IGF2: variants seen among roughly 807,000 people sequenced by gnomAD.
IGF2 encodes the protein insulin-like growth factor 2.
In IGF2, 2 loss-of-function variants were observed where a neutral mutation model predicts 12.0. The ratio of observed to expected loss-of-function variants is 0.17; its 90% CI spans 0.07 to 0.52. The LOEUF is 0.52. IGF2 is among the 20% of genes least tolerant of loss of function. The pLI is 0.95. For synonymous variants in IGF2, 105 were observed against 110.1 expected, an observed-to-expected ratio of 0.95 and a Z score of 0.29; for missense variants, 211 against 268.0, an observed-to-expected ratio of 0.79 and a Z score of 1.48.
rs1160785818 is a variant in IGF2, at chr11:2,132,550, T to TC, written c.*436_*437insG. On this transcript the variant is annotated 3_prime_UTR_variant, in exon 4 of 4. Transcript: ENST00000416167. ...TCAGCCAATTCGTTTTTAATACTTT[T>TC]TTTTTTTAGCCAATTGATTTTTTTT... 5 of 213,938 alleles carry TC rather than the reference T, an allele frequency of 2.3e-5. No homozygotes were observed. Among genetic ancestry groups the TC allele is most frequent in the Middle Eastern group, 1.5e-3 (1 of 686 alleles). The allele number at this position is 213,938 out of a possible 1,614,324, so 13.3% of individuals were successfully genotyped here.
chr11:2,142,207 TA>T (rs56374651), upstream of IGF2, among the ~76,000 whole-genome samples: 7,530 of 145,604 alleles, frequency 0.052, 245 homozygotes, highest in Middle Eastern at 0.077. This position sits in a 1 kb window ranked among gnomAD's most constrained non-coding sequence, Gnocchi z 5.7. Flanking sequence ...AAATCAGTAT[TA>T]AAAAAAAAAA....
At chr11:2,148,654 C>A in the IGF2 span, 120,046 of 170,946 alleles carry the variant, frequency 0.7, 42,630 homozygotes, top group Admixed American at 0.76. This position sits in a 1 kb window ranked among gnomAD's most constrained non-coding sequence, Gnocchi z 4.3. Context: ...TAAATAAAAT[C>A]TCTGCGCCAG....
chr11:2,149,200 C>G, the IGF2 span: 1 of 1,613,374 alleles, frequency 6.2e-7, no homozygotes, highest in African/African-American at 1.3e-5. Context: ...CACTGGTGCC[C>G]AAGGCTCTCT....
chr11:2,140,884 C>T, upstream of IGF2: 1 of 370,856 alleles, frequency 2.7e-6, no homozygotes, highest in South Asian at 1.9e-5. Flanking sequence ...CGTCCGCGGG[C>T]GCACCAGGAG....
At position 2,131,443 on chromosome 11, in the gene IGF2, TGTGTGTGCAG is replaced by T. The variant is rs1035775664; in HGVS notation, c.*1534_*1543del. ...GGGGGTGTGCGTGTGTGTGCGCATG[TGTGTGTGCAG>T]GTGGGTGCTTGCGTGTGCAACGTGT... On this transcript the variant is annotated 3_prime_UTR_variant, in exon 4 of 4. Transcript: ENST00000416167. 3.5e-5 allele frequency: 8 copies of T among 231,400 alleles called. No homozygotes were observed. Among genetic ancestry groups the T allele is most frequent in the African/African-American group, 1.8e-4 (8 of 45,158 alleles). The allele number at this position is 231,400 out of a possible 1,614,324, so 14.3% of individuals were successfully genotyped here. A position where few individuals can be genotyped will look rare whatever the true frequency, so the allele number is the denominator to read the frequency against.
Position 2,130,077 on chromosome 11 carries a change from G to A in IGF2, c.*2910C>T, listed in dbSNP as rs1269754014. On this transcript the variant is annotated 3_prime_UTR_variant, in exon 4 of 4. Transcript: ENST00000416167. ...CAGGGTGCTGAGGGGCGGGCAAGAT[G>A]TCACCGAGGGAGAGGGGAGGGTTCC... 4.3e-6 allele frequency: 1 copy of A among 229,920 alleles called. No homozygotes were observed. Among genetic ancestry groups the A allele is most frequent in the African/African-American group, 2.2e-5 (1 of 45,086 alleles). The allele number at this position is 229,920 out of a possible 1,614,324, so 14.2% of individuals were successfully genotyped here.
intron 1 of IGF2, among the ~76,000 whole-genome samples, chr11:2,135,932 G>A (rs1323188027): frequency 6.6e-6 from 1 of 152,112 alleles, no homozygotes; most frequent in African/African-American, 2.4e-5. Context: ...GCGTCACATC[G>A]CCACTTCTCA....
At position 2,138,994 on chromosome 11, in the gene IGF2, T is replaced by C. The variant is rs1164399831; in HGVS notation, c.-772A>G. ...CAGGCGGTGGCGGCACCGGGGCCGC[T>C]CCGGGACGCAGCGCGGAAAGGGGAG... On this transcript the variant is annotated 5_prime_UTR_variant, in exon 1 of 4. Coordinates refer to ENST00000416167, the MANE Select transcript of IGF2 (RefSeq NM_000612.6). 3.1e-6 allele frequency: 3 copies of C among 959,308 alleles called. No homozygotes were observed. The highest frequency in any genetic ancestry group is 1.2e-6 in the Non-Finnish European group (1 of 820,740). The allele number at this position is 959,308 out of a possible 1,614,324, so 59.4% of individuals were successfully genotyped here.
At position 2,131,096 on chromosome 11, in the gene IGF2, C is replaced by T. The variant is rs181654351; in HGVS notation, c.*1891G>A. 6.9e-4 allele frequency: 161 copies of T among 232,358 alleles called. No individual in the cohort carries two copies. Among genetic ancestry groups the T allele is most frequent in the African/African-American group, 3.3e-3 (149 of 44,992 alleles). The allele number at this position is 232,358 out of a possible 1,614,324, so 14.4% of individuals were successfully genotyped here. On this transcript the variant is annotated 3_prime_UTR_variant, in exon 4 of 4. Transcript: ENST00000416167. ...ATGGGGAGCATCGTGGCTCACGCTGCGGGGGCCGTGGGGACAGGCGCCAAG... is the reference window on the plus strand; with the variant it reads ...ATGGGGAGCATCGTGGCTCACGCTGTGGGGGCCGTGGGGACAGGCGCCAAG...
upstream of IGF2, chr11:2,140,453 C>A (rs1859489376): frequency 7.6e-6 from 5 of 654,678 alleles, no homozygotes; most frequent in Non-Finnish European, 1.3e-5. Context: ...GCCCCCCTCG[C>A]CCCCCTCGCT....
upstream of IGF2, among the ~76,000 whole-genome samples, chr11:2,144,974 C>T (rs1456940958): frequency 6.6e-6 from 1 of 152,150 alleles, no homozygotes; most frequent in African/African-American, 2.4e-5. Context: ...CAGGATGAGG[C>T]ATCTCTTTCA....
Position 2,133,520 on chromosome 11 carries a change from A to G in IGF2, c.303T>C (p.Leu101=), listed in dbSNP as rs770667067. ...GAAAGGGGCCCAGGACCCTCACCGG[A>G]AGCACGGTCGGAGGGGTCGACACGT... ...ERDVSTPPTV[L]PDNFPRYPVG... Residue 101 remains leucine (L), a synonymous_variant, in exon 3 of 4, where the codon CTT becomes CTC. Coordinates refer to ENST00000416167, the MANE Select transcript of IGF2 (RefSeq NM_000612.6). This position sits in a 1 kb window ranked among gnomAD's most constrained non-coding sequence, Gnocchi z 8.9. 7.4e-5 allele frequency: 119 copies of G among 1,610,488 alleles called. No homozygotes were observed. Among genetic ancestry groups the G allele is most frequent in the Non-Finnish European group, 9.3e-5 (110 of 1,178,698 alleles).
chr11:2,141,876 A>G (rs1859621285), upstream of IGF2, among the ~76,000 whole-genome samples: 1 of 152,222 alleles, frequency 6.6e-6, no homozygotes, highest in African/African-American at 2.4e-5. Context: ...TTCTATGCTA[A>G]TTTTTAAATG....
rs902646764 is a variant in IGF2 at position 2,133,014 on chromosome 11, G to T, written c.516C>A (p.Pro172=). ...PTQDPAHGGA[P]PEMASNRK ...ACTTCCGATTGCTGGCCATCTCTGG[G>T]GGGGCGCCCCCGTGGGCGGGGTCTT... Residue 172 remains proline (P), a synonymous_variant, in exon 4 of 4, where the codon CCC becomes CCA. Transcript: ENST00000416167. This position sits in a 1 kb window ranked among gnomAD's most constrained non-coding sequence, Gnocchi z 8.9. The T allele has an allele frequency of 6.4e-7, 1 of 1,551,040 alleles. No homozygotes were observed. The highest frequency in any genetic ancestry group is 8.7e-7 in the Non-Finnish European group (1 of 1,148,680).
chr11:2,148,729 C>T, the IGF2 span: 1 of 209,914 alleles, frequency 4.8e-6, no homozygotes. The surrounding 1 kb of genome is among the most constrained non-coding windows in gnomAD (Gnocchi z 4.3). Context: ...ATGGGGGATG[C>T]AACGGGAGGA....
chr11:2,149,060 C>A, the IGF2 span: 12 of 1,463,060 alleles, frequency 8.2e-6, no homozygotes, highest in Admixed American at 1.7e-5. Flanking sequence ...AGCTCCCGGC[C>A]CACCCACGCC....
At chr11:2,135,202 T>G (rs975503631) in intron 2 of IGF2, among the ~76,000 whole-genome samples, 165 bp downstream of exon 2, 19 of 152,186 alleles carry the variant, frequency 1.2e-4, no homozygotes, top group African/African-American at 4.6e-4. Context: ...GTGGATGCCC[T>G]GGGACACCGC....
Position 2,133,423 on chromosome 11 carries a change from G to C in IGF2, c.306+94C>G. On this transcript the variant is annotated intron_variant, in intron 3 of 3. Coordinates refer to ENST00000416167, the MANE Select transcript of IGF2 (RefSeq NM_000612.6). The surrounding 1 kb of genome is among the most constrained non-coding windows in gnomAD (Gnocchi z 8.9). ...AAGGAAGTCACGGGTCCTTGTCCCT[G>C]GCCAAGAGGTCCCAGAGGCCACAGG... 7.2e-7 allele frequency: 1 copy of C among 1,389,868 alleles called. No individual in the cohort carries two copies. The highest frequency in any genetic ancestry group is 9.7e-7 in the Non-Finnish European group (1 of 1,030,922). The allele number at this position is 1,389,868 out of a possible 1,614,324, so 86.1% of individuals were successfully genotyped here.
upstream of IGF2, among the ~76,000 whole-genome samples, chr11:2,145,367 C>T (rs1859854633): frequency 6.6e-6 from 1 of 152,236 alleles, no homozygotes; most frequent in Admixed American, 6.5e-5. Context: ...GTTGCCGAGG[C>T]TCCCGTCATG....
Sources: gnomAD v4.1 joint callset for allele counts (sites outside exome capture counted in the v4.1 genomes callset) on GRCh38, gnomAD v4.1.1 for gene constraint, Gnocchi (gnomAD v3.1) non-coding constraint, MANE v1.5 for transcripts, NCBI Gene and HGNC (gene_info 2026-07-23, HGNC 2026-07-21) for gene names.